Variants in CORO2A observed in about 807,000 individuals in gnomAD.
CORO2A encodes the protein coronin-2A.
CORO2A carries 47 observed loss-of-function variants against 62.4 expected under a neutral mutation model. That is an observed-to-expected ratio of 0.75 (90% CI 0.60 to 0.96). The LOEUF is 0.96. Ranked by LOEUF, CORO2A falls within the 40% of genes least tolerant of loss-of-function variation. The pLI, the probability that CORO2A is intolerant of heterozygous loss-of-function variation, is 0.00. For synonymous variants in CORO2A, 273 were observed against 268.9 expected, an observed-to-expected ratio of 1.02 and a Z score of -0.15; for missense variants, 610 against 684.1, an observed-to-expected ratio of 0.89 and a Z score of 1.21.
rs967741603 is a variant in CORO2A, at chr9:98,157,559, G to A, written c.102C>T (p.Ser34=). The A allele has an allele frequency of 1.2e-6, 2 of 1,614,192 alleles. No homozygotes were observed. Among genetic ancestry groups the A allele is most frequent in the African/African-American group, 2.7e-5 (2 of 75,062 alleles). ...NCYDSVPITR[S]VHDNHFCAVN... The stretch of plus-strand genomic sequence containing the variant: ...CGGCACAGAAGTGGTTGTCGTGAAC[G>A]CTGCGGGTGATAGGCACGGAGTCGT... Residue 34 remains serine, a synonymous_variant, in exon 2 of 12, where the codon AGC becomes AGT. Coordinates refer to ENST00000375077, the MANE Select transcript of CORO2A (RefSeq NM_052820.4).
chr9:98,176,191 A>G (rs150273572), intron 1 of CORO2A, among the ~76,000 whole-genome samples: 13 of 152,316 alleles, frequency 8.5e-5, no homozygotes, highest in Non-Finnish European at 1.5e-4. Flanking sequence ...GAATGAAAGC[A>G]GAGAAAGCCT....
intron 2 of CORO2A, among the ~76,000 whole-genome samples, chr9:98,138,998 G>GC (rs1827530355): frequency 6.9e-6 from 1 of 145,942 alleles, no homozygotes; most frequent in East Asian, 2.0e-4. Context: ...AGTGAGCCAA[G>GC]ATCATGCCAC....
chr9:98,171,864 G>A (rs1308154216), intron 1 of CORO2A, among the ~76,000 whole-genome samples: 3 of 152,076 alleles, frequency 2.0e-5, no homozygotes, highest in Non-Finnish European at 4.4e-5. Flanking sequence ...GAGACAGTGG[G>A]GAGGCATCAA....
intron 1 of CORO2A, among the ~76,000 whole-genome samples, chr9:98,171,112 A>C (rs1828028579): frequency 6.6e-6 from 1 of 152,168 alleles, no homozygotes; most frequent in Non-Finnish European, 1.5e-5. Flanking sequence ...ATTTTCCAAG[A>C]CACCTCCAGG....
At chr9:98,164,333 T>C (rs977606805) in intron 1 of CORO2A, among the ~76,000 whole-genome samples, 4 of 152,244 alleles carry the variant, frequency 2.6e-5, no homozygotes, top group Admixed American at 2.6e-4. Flanking sequence ...CCTGACCCAC[T>C]ATTATCCATC....
rs776223777 is a variant in CORO2A at position 98,123,380 on chromosome 9, G to A, written c.*1394C>T. On this transcript the variant is annotated 3_prime_UTR_variant, in exon 12 of 12. Coordinates refer to ENST00000375077, the MANE Select transcript of CORO2A (RefSeq NM_052820.4). ...CTAAAAAAATTTTTTTTTCCTAGCAGAATTGTTTTTCATACTAGCCCAACA... is the reference window on the plus strand; with the variant it reads ...CTAAAAAAATTTTTTTTTCCTAGCAAAATTGTTTTTCATACTAGCCCAACA... The A allele has an allele frequency of 6.6e-6, 1 of 152,062 alleles. No homozygotes were observed. Among genetic ancestry groups the A allele is most frequent in the Non-Finnish European group, 1.5e-5 (1 of 68,024 alleles). 9.4% of individuals were successfully genotyped at this position (152,062 alleles called of 1,614,324 possible).
intron 10 of CORO2A, among the ~76,000 whole-genome samples, chr9:98,127,249 C>G (rs1827334628): frequency 6.6e-6 from 1 of 152,198 alleles, no homozygotes; most frequent in Admixed American, 6.5e-5. Flanking sequence ...GGAGCAAAAC[C>G]TACTTAAGGT....
chr9:98,136,459 C>T, intron 3 of CORO2A, among the ~76,000 whole-genome samples: 1 of 152,270 alleles, frequency 6.6e-6, no homozygotes, highest in South Asian at 2.1e-4. Context: ...TTCTGTTGCC[C>T]ATTTTGCCTT....
At chr9:98,163,161 C>T (rs1827908473) in intron 1 of CORO2A, among the ~76,000 whole-genome samples, 1 of 152,242 alleles carries the variant, frequency 6.6e-6, no homozygotes, top group Admixed American at 6.5e-5. Flanking sequence ...ATGTAGTCAT[C>T]TCTGGGTTTT....
At chr9:98,181,194 C>T (rs780436308) in intron 1 of CORO2A, among the ~76,000 whole-genome samples, 14 of 151,970 alleles carry the variant, frequency 9.2e-5, no homozygotes, top group Non-Finnish European at 1.8e-4. Context: ...ACTCCCTCTG[C>T]AAGTCAGGCC....
At position 98,153,649 on chromosome 9, in the gene CORO2A, AACACACACACACACACACACACACAC is replaced by A. The variant is rs55685018; in HGVS notation, c.201+3785_201+3810del. On this transcript the variant is annotated intron_variant, in intron 2 of 11. Transcript: ENST00000375077. ...TATGTCTGTAACTTCTCTGTTTCCA[AACACACACACACACACACACACACAC>A]ACACACACACACACACACTCACACA... is the stretch of plus-strand genomic sequence containing the variant. Among the ~76,000 whole-genome samples, 100 of 133,972 alleles carry A rather than the reference AACACACACACACACACACACACACAC, an allele frequency of 7.5e-4. 1 individual carries two copies. In the East Asian group the frequency reaches 0.02, roughly 27 times the overall value. The allele number at this position is 133,972 out of a possible 152,430, so 87.9% of individuals were successfully genotyped here. A position where few individuals can be genotyped will look rare whatever the true frequency, so the allele number is the denominator to read the frequency against.
chr9:98,166,945 A>AG (rs1827969118), intron 1 of CORO2A, among the ~76,000 whole-genome samples: 1 of 62,062 alleles, frequency 1.6e-5, no homozygotes, highest in African/African-American at 7.6e-5. Flanking sequence ...TGCTAGAAAT[A>AG]AAAAAAAAAT....
chr9:98,145,682 G>A (rs908591069), intron 2 of CORO2A, among the ~76,000 whole-genome samples: 4 of 152,274 alleles, frequency 2.6e-5, no homozygotes, highest in African/African-American at 4.8e-5. Context: ...GACACACATC[G>A]GCTTGAGAAG....
At chr9:98,179,963 A>C (rs1457011097) in intron 1 of CORO2A, among the ~76,000 whole-genome samples, 2 of 152,180 alleles carry the variant, frequency 1.3e-5, no homozygotes, top group African/African-American at 4.8e-5. Flanking sequence ...AGATCACGCC[A>C]CTGCACTCCA....
chr9:98,180,052 G>C (rs1828158240), intron 1 of CORO2A, among the ~76,000 whole-genome samples: 1 of 152,080 alleles, frequency 6.6e-6, no homozygotes, highest in Non-Finnish European at 1.5e-5. Flanking sequence ...CTGCCTCAAA[G>C]TCTGACATTT....
intron 11 of CORO2A, among the ~76,000 whole-genome samples, chr9:98,125,906 C>T (rs1050928760): frequency 4.0e-5 from 6 of 151,358 alleles, no homozygotes; most frequent in Non-Finnish European, 8.8e-5. Flanking sequence ...TTAGTAGAGA[C>T]GGGGTTTCGC....
At chr9:98,148,616 C>A (rs947877723) in intron 2 of CORO2A, among the ~76,000 whole-genome samples, 1 of 151,438 alleles carries the variant, frequency 6.6e-6, no homozygotes, top group African/African-American at 2.4e-5. Flanking sequence ...TGATGGCATG[C>A]ACCTGTAGTC....
chr9:98,167,907 G>A (rs915962736), intron 1 of CORO2A, among the ~76,000 whole-genome samples: 2 of 152,228 alleles, frequency 1.3e-5, no homozygotes, highest in Admixed American at 1.3e-4. Context: ...CTGAAAGTGG[G>A]TGAGGGTACA....
intron 2 of CORO2A, among the ~76,000 whole-genome samples, chr9:98,141,871 C>T (rs1827573239): frequency 1.3e-5 from 2 of 151,972 alleles, no homozygotes; most frequent in South Asian, 4.1e-4. Flanking sequence ...TCAGGTGTTA[C>T]TGTAAGTGCT....
Sources: allele counts gnomAD v4.1 joint callset (sites outside exome capture counted in the v4.1 genomes callset), GRCh38; gene constraint gnomAD v4.1.1; transcripts MANE v1.5; gene names NCBI Gene and HGNC (gene_info 2026-07-23, HGNC 2026-07-21).